DAB2IP: variants seen among roughly 807,000 people sequenced by gnomAD.
DAB2IP encodes the protein disabled homolog 2-interacting protein.
In DAB2IP, 28 loss-of-function variants were observed where a neutral mutation model predicts 107.2. The ratio of observed to expected loss-of-function variants is 0.26; its 90% CI spans 0.19 to 0.36. The LOEUF (loss-of-function observed/expected upper bound fraction) is 0.36. Ranked by LOEUF, DAB2IP falls within the 10% of genes least tolerant of loss-of-function variation. The probability of loss-of-function intolerance (pLI) is 1.00; values close to 1 mark genes in which losing one functional copy is unlikely to be tolerated. For missense variants in DAB2IP, 1,400 were observed against 1,644.7 expected, an observed-to-expected ratio of 0.85 and a Z score of 2.57; for synonymous variants, 755 against 706.4, an observed-to-expected ratio of 1.07 and a Z score of -1.09.
chr9:121,570,170 G>C (rs1426698066), intron 1 of DAB2IP, among the ~76,000 whole-genome samples: 2 of 144,158 alleles, frequency 1.4e-5, no homozygotes, highest in African/African-American at 2.7e-5. Flanking sequence ...GGAGTGCAGT[G>C]GTGCGATCTC....
chr9:121,675,191 T>C (rs892295632), intron 1 of DAB2IP, among the ~76,000 whole-genome samples: 1 of 151,988 alleles, frequency 6.6e-6, no homozygotes, highest in African/African-American at 2.4e-5. Context: ...CTTCCTAAAG[T>C]GATCTGGGCG....
At chr9:121,645,434 G>A (rs1244420858) in intron 1 of DAB2IP, among the ~76,000 whole-genome samples, 2 of 152,194 alleles carry the variant, frequency 1.3e-5, no homozygotes, top group Non-Finnish European at 2.9e-5. Context: ...AGGCATTCTG[G>A]GAGAGGTGGT....
chr9:121,572,559 A>G (rs1352969034), intron 1 of DAB2IP, among the ~76,000 whole-genome samples: 1 of 152,076 alleles, frequency 6.6e-6, no homozygotes, highest in Non-Finnish European at 1.5e-5. Flanking sequence ...GCTGGGCCCC[A>G]TGCCCCAAGA....
chr9:121,729,337 T>C (rs1006309188), intron 3 of DAB2IP, among the ~76,000 whole-genome samples: 3 of 152,168 alleles, frequency 2.0e-5, no homozygotes, highest in African/African-American at 7.2e-5. Context: ...CATTTGCTCC[T>C]CTCAGAAACC....
At chr9:121,753,123 C>T (rs1833240681) in intron 3 of DAB2IP, 1 of 152,252 alleles carries the variant, frequency 6.6e-6, no homozygotes, top group Non-Finnish European at 1.5e-5. Flanking sequence ...GACGCCAGCT[C>T]CACCCTGGTG....
intron 1 of DAB2IP, among the ~76,000 whole-genome samples, chr9:121,597,449 C>T (rs1830554422): frequency 6.6e-6 from 1 of 152,186 alleles, no homozygotes; most frequent in East Asian, 1.9e-4. Flanking sequence ...TTTGCAGCCT[C>T]TATTCTAGTC....
intron 1 of DAB2IP, among the ~76,000 whole-genome samples, chr9:121,658,034 T>C (rs1367144200): frequency 6.6e-6 from 1 of 152,124 alleles, no homozygotes; most frequent in East Asian, 1.9e-4. Context: ...TTTGTTGCTT[T>C]CCCTAAGATG....
At chr9:121,589,656 A>G (rs916064359) in intron 1 of DAB2IP, among the ~76,000 whole-genome samples, 23 of 152,054 alleles carry the variant, frequency 1.5e-4, no homozygotes, top group Non-Finnish European at 2.1e-4. Context: ...TGTCTCCAGC[A>G]CCCAGCCCAG....
chr9:121,772,626 T>C lies in DAB2IP; in HGVS notation c.2098T>C (p.Leu700=). Residue 700 remains leucine (L), a synonymous_variant, in exon 12 of 16, where the codon TTA becomes CTA. Transcript: ENST00000408936. The surrounding 1 kb of genome is among the most constrained non-coding windows in gnomAD (Gnocchi z 4.7). ...CTGCAGTCTGATAGATTTCACCCGG[T>C]TACCGTCTCCAACCCCCGAAAACAA... The C allele has an allele frequency of 6.2e-7, 1 of 1,613,642 alleles. No homozygotes were observed. Among genetic ancestry groups the C allele is most frequent in the Non-Finnish European group, 8.5e-7 (1 of 1,179,700 alleles).
chr9:121,625,665 C>T (rs1589422958), intron 1 of DAB2IP, among the ~76,000 whole-genome samples: 1 of 141,346 alleles, frequency 7.1e-6, no homozygotes, highest in Non-Finnish European at 1.5e-5. Flanking sequence ...GGGCTTTCTG[C>T]TTTTTTTTTT....
At chr9:121,740,998 G>T (rs867479922) in intron 3 of DAB2IP, among the ~76,000 whole-genome samples, 26 of 152,148 alleles carry the variant, frequency 1.7e-4, no homozygotes, top group African/African-American at 5.8e-4. Context: ...TCCTGGGGGT[G>T]AGGTAGTAAG....
At chr9:121,619,150 T>C (rs188225291) in intron 1 of DAB2IP, among the ~76,000 whole-genome samples, 1 of 152,152 alleles carries the variant, frequency 6.6e-6, no homozygotes, top group East Asian at 1.9e-4. Context: ...CTTTGTATTG[T>C]TTTGTTTTTG....
intron 1 of DAB2IP, among the ~76,000 whole-genome samples, chr9:121,638,133 C>T (rs958397904): frequency 6.6e-6 from 1 of 152,062 alleles, no homozygotes; most frequent in African/African-American, 2.4e-5. Context: ...GTCGGCCCTC[C>T]GAATCTATGG....
At chr9:121,680,896 C>T (rs1589505601) in intron 2 of DAB2IP, among the ~76,000 whole-genome samples, 1 of 152,018 alleles carries the variant, frequency 6.6e-6, no homozygotes. Context: ...GAGCCTGCCA[C>T]CACCCCCAGC....
intron 4 of DAB2IP, 78 bp downstream of exon 4, chr9:121,757,244 GAGTCC>G: frequency 2.6e-6 from 4 of 1,547,566 alleles, no homozygotes; most frequent in Non-Finnish European, 3.5e-6. Flanking sequence ...CATCCTCCTG[GAGTCC>G]AGTCTGCTGT....
chr9:121,650,003 T>C (rs909457194), upstream of DAB2IP, among the ~76,000 whole-genome samples: 3 of 152,192 alleles, frequency 2.0e-5, no homozygotes, highest in African/African-American at 7.2e-5. Context: ...TTTTTGTGTG[T>C]GTGGTTTTTT....
intron 1 of DAB2IP, among the ~76,000 whole-genome samples, chr9:121,617,086 CA>C (rs900470780): frequency 2.6e-4 from 39 of 152,322 alleles, no homozygotes; most frequent in African/African-American, 9.4e-4. Flanking sequence ...GTAATCCCAG[CA>C]CTCTGGGAGG....
rs938613051 is a variant in DAB2IP at position 121,731,131 on chromosome 9, T to C, written c.363-25882T>C. On this transcript the variant is annotated intron_variant, in intron 3 of 15. Transcript: ENST00000408936. ...CATCTTCTGGGCCTACAGCCTGTTA[T>C]ATATATTTTTTTGTTTGGTCCTAAT... Among the ~76,000 whole-genome samples, 25 of 152,324 alleles carry C rather than the reference T, an allele frequency of 1.6e-4. No individual in the cohort carries two copies. The South Asian group carries it at 2.1e-3, about 13-fold the overall frequency.
At chr9:121,598,676 C>T (rs926136666) in intron 1 of DAB2IP, 8 of 152,408 alleles carry the variant, frequency 5.2e-5, no homozygotes, top group African/African-American at 1.4e-4. Flanking sequence ...GGGCACTTGC[C>T]CGGGGCCTGT....
Sources: allele counts gnomAD v4.1 joint callset (sites outside exome capture counted in the v4.1 genomes callset), GRCh38; gene constraint gnomAD v4.1.1; non-coding constraint Gnocchi (gnomAD v3.1); transcripts MANE v1.5; gene names NCBI Gene and HGNC (gene_info 2026-07-23, HGNC 2026-07-21).